PPP2R2D: variants seen among roughly 807,000 people sequenced by gnomAD.
PPP2R2D encodes protein phosphatase 2 regulatory subunit Bdelta.
Under a neutral mutation model 31.1 loss-of-function variants are expected in PPP2R2D, and 9 were observed. The observed-to-expected ratio is 0.29, with a 90% CI of 0.17 to 0.51. The LOEUF is 0.51. Among genes scored for constraint, PPP2R2D ranks in the 20% least tolerant of loss-of-function variants. PPP2R2D has a pLI of 0.98. For missense variants in PPP2R2D, 391 were observed against 465.6 expected (o/e 0.84, Z 1.48); for synonymous variants, 179 against 172.6 (o/e 1.04, Z -0.29).
rs561722350 is a variant in PPP2R2D at position 131,915,912 on chromosome 10, G to A, written c.100+14582G>A. 4.8e-4 allele frequency among the ~76,000 whole-genome samples: 73 copies of A among 152,320 alleles called. 2 individuals are homozygous for A. Among genetic ancestry groups the A allele is most frequent in the African/African-American group, 1.6e-3 (65 of 41,566 alleles). ...AGGTGTGTAATAGTGATCTTAAAAT[G>A]GAGAGAATGAGAAAGTTTTTACTTT... On this transcript the variant is annotated intron_variant, in intron 2 of 8. Transcript: ENST00000455566.
At chr10:131,930,686 A>G (rs1241009463) in intron 2 of PPP2R2D, among the ~76,000 whole-genome samples, 2 of 152,114 alleles carry the variant, frequency 1.3e-5, no homozygotes, top group African/African-American at 4.8e-5. Context: ...TTTGCTCTGG[A>G]AATTTTTAGA....
chr10:131,925,507 T>C (rs2036089643), intron 2 of PPP2R2D, among the ~76,000 whole-genome samples: 1 of 152,246 alleles, frequency 6.6e-6, no homozygotes, highest in Non-Finnish European at 1.5e-5. Context: ...ACTTCTCATA[T>C]TTCAAAAATA....
chr10:131,926,224 AT>A (rs1185364964), intron 2 of PPP2R2D, among the ~76,000 whole-genome samples: 1 of 152,096 alleles, frequency 6.6e-6, no homozygotes, highest in Non-Finnish European at 1.5e-5. Context: ...ATAGTTTTCC[AT>A]TTTTTTAATA....
At chr10:131,929,953 G>C (rs1554895455) in intron 2 of PPP2R2D, among the ~76,000 whole-genome samples, 1 of 152,074 alleles carries the variant, frequency 6.6e-6, no homozygotes, top group African/African-American at 2.4e-5. Flanking sequence ...TCATTCCGTG[G>C]TTTCGAACCG....
At chr10:131,932,438 G>A (rs781962875) in intron 2 of PPP2R2D, among the ~76,000 whole-genome samples, 11 of 152,020 alleles carry the variant, frequency 7.2e-5, no homozygotes, top group South Asian at 2.1e-4. Context: ...AGACTGAAGC[G>A]GGCTGATGAC....
downstream of PPP2R2D, among the ~76,000 whole-genome samples, chr10:131,960,945 G>T (rs1564831708): frequency 6.6e-6 from 1 of 152,208 alleles, no homozygotes; most frequent in Non-Finnish European, 1.5e-5. Context: ...CCTGGGCTGG[G>T]CCAGGGGTGC....
chr10:131,938,520 T>TC (rs1340946345), intron 3 of PPP2R2D, among the ~76,000 whole-genome samples: 1 of 152,192 alleles, frequency 6.6e-6, no homozygotes, highest in East Asian at 1.9e-4. Context: ...TGTTGTCCCC[T>TC]CCCCATTTCA....
chr10:131,938,882 G>A (rs1220547625), intron 3 of PPP2R2D, among the ~76,000 whole-genome samples: 1 of 152,220 alleles, frequency 6.6e-6, no homozygotes, highest in Non-Finnish European at 1.5e-5. Flanking sequence ...CCTCAGGCCC[G>A]TGCTGGCTCT....
chr10:131,946,576 G>A (rs781820348), intron 7 of PPP2R2D, among the ~76,000 whole-genome samples: 1 of 152,188 alleles, frequency 6.6e-6, no homozygotes, highest in East Asian at 1.9e-4. Flanking sequence ...TGAGTGTTTC[G>A]TAGCATTTGG....
In PPP2R2D at chr10:131,956,229, A is replaced by G. The variant is rs1004281744; in HGVS notation, c.*266A>G. 7 of 1,160,830 alleles carry G rather than the reference A, an allele frequency of 6.0e-6. No homozygotes were observed. The highest frequency in any genetic ancestry group is 4.8e-5 in the African/African-American group (3 of 62,992). 71.9% of individuals were successfully genotyped at this position (1,160,830 alleles called of 1,614,324 possible). ...CCCAAAAGGTCATTACTCAGAATAA[A>G]TGTATTTATTTCAGTCCGAGCCTTC... On this transcript the variant is annotated 3_prime_UTR_variant, in exon 9 of 9. Transcript: ENST00000455566.
the PPP2R2D span, among the ~76,000 whole-genome samples, chr10:131,965,939 TTC>T: frequency 6.6e-6 from 1 of 152,240 alleles, no homozygotes; most frequent in East Asian, 1.9e-4. Context: ...AGCACTGTCG[TTC>T]TCTCGAGTCT....
chr10:131,938,755 CGTG>C (rs782790059), intron 3 of PPP2R2D, among the ~76,000 whole-genome samples: 3 of 152,210 alleles, frequency 2.0e-5, no homozygotes, highest in Non-Finnish European at 4.4e-5. Flanking sequence ...TCAGCGGCTT[CGTG>C]GTGGTCCCTG....
chr10:131,958,218 T>TA lies in PPP2R2D; in HGVS notation c.*2256dup, dbSNP rs2036849945. ...CTGATCCCTCGTGCCCCTGTGGAGA[T>TA]AGAGGTGTGTACTGATCCCCTGTTC... On this transcript the variant is annotated 3_prime_UTR_variant, in exon 9 of 9. Coordinates refer to ENST00000455566, the MANE Select transcript of PPP2R2D (RefSeq NM_018461.5). 1 of 154,508 alleles carries TA rather than the reference T, an allele frequency of 6.5e-6. No individual in the cohort carries two copies. Among genetic ancestry groups the TA allele is most frequent in the Admixed American group, 8.0e-5 (1 of 12,462 alleles). 9.6% of individuals were successfully genotyped at this position (154,508 alleles called of 1,614,324 possible).
Position 131,945,244 on chromosome 10 carries a change from T to G in PPP2R2D, c.656-51T>G. 1 of 1,573,644 alleles carries G rather than the reference T, an allele frequency of 6.4e-7. No homozygotes were observed. Among genetic ancestry groups the G allele is most frequent in the Non-Finnish European group, 8.7e-7 (1 of 1,155,266 alleles). On this transcript the variant is annotated intron_variant, in intron 6 of 8. Coordinates refer to ENST00000455566, the MANE Select transcript of PPP2R2D (RefSeq NM_018461.5). This position sits in a 1 kb window ranked among gnomAD's most constrained non-coding sequence, Gnocchi z 4.8. ...CTATTTCGCGTGACTGAATGTAGACTAATTAACAACCAGCTGAGCTGAGCA... is the reference window on the plus strand; with the variant it reads ...CTATTTCGCGTGACTGAATGTAGACGAATTAACAACCAGCTGAGCTGAGCA...
intron 1 of PPP2R2D, 27 bp downstream of exon 1, chr10:131,901,182 G>T: frequency 3.1e-6 from 1 of 325,510 alleles, no homozygotes; most frequent in Non-Finnish European, 5.6e-6. Context: ...GGCCGGCGGG[G>T]ACCACGGGGG....
At chr10:131,944,253 C>G (rs1376152542) in intron 6 of PPP2R2D, 108 bp downstream of exon 6, 1 of 870,300 alleles carries the variant, frequency 1.1e-6, no homozygotes, top group Non-Finnish European at 1.8e-6. Flanking sequence ...CTTGTAAATA[C>G]CATCACTGCA....
Position 131,903,311 on chromosome 10 carries a change from A to G in PPP2R2D, c.100+1981A>G, listed in dbSNP as rs1229951801. ...GTGAAACCCCGTCTCTGCTAAAAAT[A>G]CAGAAGTTAGCCGGGCGTGGTGGCA... is the stretch of plus-strand genomic sequence containing the variant. On this transcript the variant is annotated intron_variant, in intron 2 of 8. Transcript: ENST00000455566. Among the ~76,000 whole-genome samples the G allele has an allele frequency of 5.9e-5, 9 of 152,130 alleles. No homozygotes were observed. In the South Asian group the frequency reaches 1.0e-3, roughly 18 times the overall value.
intron 2 of PPP2R2D, 105 bp downstream of exon 2, chr10:131,901,435 A>T: frequency 3.1e-6 from 1 of 321,860 alleles, no homozygotes; most frequent in Non-Finnish European, 5.7e-6. Context: ...AGGCAGGAGG[A>T]TGGGGGCCGG....
intron 3 of PPP2R2D, among the ~76,000 whole-genome samples, chr10:131,938,015 C>T (rs1554896713): frequency 6.6e-6 from 1 of 151,478 alleles, no homozygotes; most frequent in East Asian, 2.0e-4. Context: ...CAGGGGCAGG[C>T]GAGGCACTCA....
Sources: allele counts gnomAD v4.1 joint callset (sites outside exome capture counted in the v4.1 genomes callset), GRCh38; gene constraint gnomAD v4.1.1; non-coding constraint Gnocchi (gnomAD v3.1); transcripts MANE v1.5; gene names NCBI Gene and HGNC (gene_info 2026-07-23, HGNC 2026-07-21).